CCDC141: variants seen among roughly 807,000 people sequenced by gnomAD.
CCDC141 encodes the protein coiled-coil domain containing 141.
Under a neutral mutation model 181.0 loss-of-function variants are expected in CCDC141, and 168 were observed. The ratio of observed to expected loss-of-function variants is 0.93; its 90% CI spans 0.82 to 1.05. The LOEUF (loss-of-function observed/expected upper bound fraction) is 1.05. CCDC141 is among the 50% of genes least tolerant of loss of function. CCDC141 has a pLI of 0.00. For synonymous variants in CCDC141, 666 were observed against 642.3 expected (o/e 1.04, Z -0.56); for missense variants, 1,902 against 1,788.5 (o/e 1.06, Z -1.14).
chr2:178,996,519 A>C (rs1692295252), intron 2 of CCDC141, among the ~76,000 whole-genome samples: 1 of 152,188 alleles, frequency 6.6e-6, no homozygotes, highest in African/African-American at 2.4e-5. Flanking sequence ...AAATAAATCC[A>C]AAAATGGGCT....
intron 2 of CCDC141, among the ~76,000 whole-genome samples, chr2:178,987,005 G>A (rs548843994): frequency 2.6e-4 from 40 of 151,986 alleles, no homozygotes; most frequent in Admixed American, 1.5e-3. Context: ...AGCCCGCATC[G>A]CCAAGTCAAT....
chr2:178,908,101 A>G (rs1469140510), intron 7 of CCDC141, among the ~76,000 whole-genome samples: 1 of 152,240 alleles, frequency 6.6e-6, no homozygotes, highest in African/African-American at 2.4e-5. Flanking sequence ...ATTTGCCAAT[A>G]ACCACTGTTT....
At chr2:178,988,304 C>A (rs1321117663) in intron 2 of CCDC141, among the ~76,000 whole-genome samples, 1 of 122,526 alleles carries the variant, frequency 8.2e-6, no homozygotes, top group Non-Finnish European at 1.6e-5. Flanking sequence ...GAACATCAAA[C>A]TCTGGGGACT....
rs751223419 is a variant in CCDC141 at position 178,871,479 on chromosome 2, T to C, written c.2153A>G (p.Gln718Arg). The change falls in exon 14 of 24, where the codon CAG (glutamine) becomes CGG (arginine). Residue 718 changes from glutamine (Q) to arginine (R), a missense_variant. Coordinates refer to ENST00000443758, the MANE Select transcript of CCDC141 (RefSeq NM_173648.4). ...VSALDLGGSL[Q>R]FILDLRQKWN... ...TTTTTGTCGTAGATCTAAAATGAAC[T>C]GGAGGCTCCCTCCGAGGTCAAGTGC... The C allele has an allele frequency of 1.9e-6, 3 of 1,613,950 alleles. No individual in the cohort carries two copies. Among genetic ancestry groups the C allele is most frequent in the Non-Finnish European group, 8.5e-7 (1 of 1,179,946 alleles).
intron 6 of CCDC141, among the ~76,000 whole-genome samples, chr2:178,930,533 C>A (rs1413400329): frequency 6.6e-6 from 1 of 152,040 alleles, no homozygotes; most frequent in Non-Finnish European, 1.5e-5. Context: ...AATTAGAGAA[C>A]TTATACTTCC....
At chr2:178,909,337 A>T (rs996612915) in intron 7 of CCDC141, among the ~76,000 whole-genome samples, 2 of 152,240 alleles carry the variant, frequency 1.3e-5, no homozygotes, top group Non-Finnish European at 2.9e-5. Context: ...TGTTCTGTGT[A>T]TCACACTTAA....
At chr2:178,859,797 G>A (rs747233363) in intron 17 of CCDC141, among the ~76,000 whole-genome samples, 4 of 152,144 alleles carry the variant, frequency 2.6e-5, no homozygotes, top group Non-Finnish European at 5.9e-5. Flanking sequence ...CCAGCATGCC[G>A]TAAGCCCCTT....
chr2:179,037,003 T>C (rs2043162774), intron 2 of CCDC141, among the ~76,000 whole-genome samples: 1 of 152,234 alleles, frequency 6.6e-6, no homozygotes, highest in African/African-American at 2.4e-5. Context: ...TTTCTCCCTG[T>C]AACCTATCCC....
At chr2:178,982,353 G>C (rs1691455524) in intron 2 of CCDC141, among the ~76,000 whole-genome samples, 1 of 152,114 alleles carries the variant, frequency 6.6e-6, no homozygotes, top group Non-Finnish European at 1.5e-5. Flanking sequence ...CCACTTATAA[G>C]AGCATCAGAA....
At chr2:178,912,241 C>G (rs1255565598) in intron 7 of CCDC141, among the ~76,000 whole-genome samples, 4 of 152,176 alleles carry the variant, frequency 2.6e-5, no homozygotes, top group Non-Finnish European at 5.9e-5. Context: ...AATGTGCTTA[C>G]TGCCAACAGA....
intron 2 of CCDC141, among the ~76,000 whole-genome samples, chr2:179,019,803 G>A (rs2042643353): frequency 6.6e-6 from 1 of 151,898 alleles, no homozygotes; most frequent in Non-Finnish European, 1.5e-5. Flanking sequence ...ATCTCACTCT[G>A]TCTCCCAGAC....
intron 8 of CCDC141, among the ~76,000 whole-genome samples, chr2:178,901,962 C>T (rs1687715962): frequency 6.6e-6 from 1 of 152,110 alleles, no homozygotes; most frequent in Non-Finnish European, 1.5e-5. Flanking sequence ...ACACCAACAA[C>T]AGACAAACAG....
intron 4 of CCDC141, among the ~76,000 whole-genome samples, chr2:178,974,640 C>T (rs1051082704): frequency 2.6e-5 from 4 of 152,096 alleles, no homozygotes; most frequent in Non-Finnish European, 4.4e-5. Context: ...TGATTCAGAC[C>T]TGCTTTTTAA....
At chr2:178,933,715 A>G (rs1689181553) in intron 6 of CCDC141, among the ~76,000 whole-genome samples, 1 of 152,194 alleles carries the variant, frequency 6.6e-6, no homozygotes, top group African/African-American at 2.4e-5. Flanking sequence ...TTGAAGCTAT[A>G]CTTTGCTTGG....
At chr2:178,981,837 T>C (rs952931872) in intron 2 of CCDC141, among the ~76,000 whole-genome samples, 1 of 147,364 alleles carries the variant, frequency 6.8e-6, no homozygotes, top group African/African-American at 2.5e-5. Context: ...ATAGAGAAAA[T>C]CAATGAAAGC....
chr2:178,922,104 C>T (rs935336991), intron 6 of CCDC141, among the ~76,000 whole-genome samples: 2 of 152,142 alleles, frequency 1.3e-5, no homozygotes, highest in East Asian at 1.9e-4. Context: ...ATAGCCATTG[C>T]GTGCTCAGTC....
At chr2:179,033,002 TATATATA>T (rs1410535044) in intron 2 of CCDC141, among the ~76,000 whole-genome samples, 1 of 147,542 alleles carries the variant, frequency 6.8e-6, no homozygotes, top group Non-Finnish European at 1.5e-5. Context: ...ATATTATATA[TATATATA>T]ATATATAATA....
intron 20 of CCDC141, among the ~76,000 whole-genome samples, chr2:178,851,158 A>T (rs1297179086): frequency 6.7e-6 from 1 of 150,306 alleles, no homozygotes; most frequent in Non-Finnish European, 1.5e-5. Flanking sequence ...GTGAACCGAG[A>T]TCATGCCACT....
At chr2:178,930,729 G>A (rs989160519) in intron 6 of CCDC141, among the ~76,000 whole-genome samples, 2 of 152,044 alleles carry the variant, frequency 1.3e-5, no homozygotes, top group Admixed American at 6.5e-5. Flanking sequence ...CCAACAAATT[G>A]TGCAGGGACA....
Sources: gnomAD v4.1 joint callset for allele counts (sites outside exome capture counted in the v4.1 genomes callset) on GRCh38, gnomAD v4.1.1 for gene constraint, MANE v1.5 for transcripts, NCBI Gene and HGNC (gene_info 2026-07-23, HGNC 2026-07-21) for gene names.